The following SCML4 variants were observed in gnomAD, a reference collection of about 807,000 sequenced individuals.
The protein encoded by SCML4 is sex comb on midleg-like protein 4.
A neutral mutation model predicts 41.1 loss-of-function variants in SCML4; 34 were observed. The ratio of observed to expected loss-of-function variants is 0.83; its 90% confidence interval spans 0.63 to 1.10. SCML4 has a LOEUF of 1.10. SCML4 is among the 50% of genes least tolerant of loss of function. The pLI is 0.00. For missense variants in SCML4, 522 were observed against 534.1 expected, an observed-to-expected ratio of 0.98 and a Z score of 0.22; for synonymous variants, 214 against 220.9, an observed-to-expected ratio of 0.97 and a Z score of 0.28.
intron 6 of SCML4, chr6:107,719,294 TCA>T (rs1775134443): frequency 6.6e-6 from 1 of 152,460 alleles, no homozygotes; most frequent in African/African-American, 2.4e-5. Context: ...GGGCCCCTTC[TCA>T]CCTCTCCATC....
chr6:107,835,477 C>T, the SCML4 span, among the ~76,000 whole-genome samples: 8 of 151,918 alleles, frequency 5.3e-5, no homozygotes, highest in African/African-American at 1.2e-4. Context: ...CAGTGACTCA[C>T]GCTTATAATC....
At chr6:107,802,829 A>G (rs1042925994) in intron 1 of SCML4, among the ~76,000 whole-genome samples, 2 of 150,570 alleles carry the variant, frequency 1.3e-5, no homozygotes, top group Non-Finnish European at 3.0e-5. Flanking sequence ...ATCTCGGCTC[A>G]CTGCAACCTC....
chr6:107,813,424 A>AT (rs1562284741), intron 1 of SCML4, among the ~76,000 whole-genome samples: 130 of 9,272 alleles, frequency 0.014, 1 homozygote, highest in Non-Finnish European at 0.029. Context: ...ATATATATAT[A>AT]AAACTGTAAA....
At chr6:107,802,390 C>T (rs1276182362) in intron 1 of SCML4, among the ~76,000 whole-genome samples, 1 of 152,036 alleles carries the variant, frequency 6.6e-6, no homozygotes, top group African/African-American at 2.4e-5. Context: ...GAGTGAAAAA[C>T]ATTCCAGGCA....
chr6:107,759,957 C>T (rs930620295), intron 2 of SCML4, among the ~76,000 whole-genome samples: 5 of 152,148 alleles, frequency 3.3e-5, no homozygotes, highest in South Asian at 2.1e-4. Flanking sequence ...ACTGCCAACT[C>T]GCACGGGACT....
At chr6:107,801,291 T>C (rs1783102019) in intron 1 of SCML4, among the ~76,000 whole-genome samples, 1 of 152,140 alleles carries the variant, frequency 6.6e-6, no homozygotes, top group African/African-American at 2.4e-5. Context: ...CAGCACTATC[T>C]TTATACACAC....
At chr6:107,735,429 C>T (rs1776958997) in intron 5 of SCML4, among the ~76,000 whole-genome samples, 1 of 152,016 alleles carries the variant, frequency 6.6e-6, no homozygotes, top group African/African-American at 2.4e-5. Context: ...TCCTTTCTTT[C>T]TGTTTTTGAG....
intron 5 of SCML4, among the ~76,000 whole-genome samples, chr6:107,726,487 C>T (rs534711910): frequency 1.4e-3 from 181 of 125,788 alleles, no homozygotes; most frequent in Non-Finnish European, 2.1e-3. Context: ...GAGCTGAGAT[C>T]GTGCCACTGC....
intron 5 of SCML4, among the ~76,000 whole-genome samples, chr6:107,727,941 G>C (rs2114434383): frequency 6.6e-6 from 1 of 152,288 alleles, no homozygotes; most frequent in Middle Eastern, 3.4e-3. Context: ...TGCAGTATCT[G>C]GCATGATGCC....
At chr6:107,769,297 C>T (rs1780323886) in intron 2 of SCML4, among the ~76,000 whole-genome samples, 2 of 152,216 alleles carry the variant, frequency 1.3e-5, no homozygotes, top group Admixed American at 1.3e-4. Flanking sequence ...TGGGAGGGGG[C>T]CTGACCTATG....
chr6:107,823,793 G>A (rs773043918), intron 1 of SCML4, among the ~76,000 whole-genome samples: 3 of 152,100 alleles, frequency 2.0e-5, no homozygotes, highest in Non-Finnish European at 4.4e-5. Flanking sequence ...GGTTACTTGA[G>A]TTCACATTTG....
intron 5 of SCML4, among the ~76,000 whole-genome samples, chr6:107,726,076 C>CAAAAA (rs59523273): frequency 1.9e-5 from 2 of 105,026 alleles, no homozygotes; most frequent in Admixed American, 9.9e-5. Context: ...GACCCAGTCT[C>CAAAAA]AAAAAAAAAA....
At chr6:107,756,774 T>C (rs975194065) in intron 2 of SCML4, among the ~76,000 whole-genome samples, 1 of 152,206 alleles carries the variant, frequency 6.6e-6, no homozygotes, top group African/African-American at 2.4e-5. Flanking sequence ...TAAAATAGTG[T>C]TTGTTTTCAA....
chr6:107,786,311 CA>C (rs146654719), intron 1 of SCML4, among the ~76,000 whole-genome samples: 1 of 152,290 alleles, frequency 6.6e-6, no homozygotes, highest in Non-Finnish European at 1.5e-5. Flanking sequence ...TCTCTCCCAC[CA>C]GTGTCAGTTT....
intron 5 of SCML4, chr6:107,732,066 A>C (rs1048062991): frequency 6.6e-6 from 1 of 152,300 alleles, no homozygotes; most frequent in African/African-American, 2.4e-5. Flanking sequence ...TGTGGGATGC[A>C]GAGGGGCCTT....
At chr6:107,844,124 T>C in the SCML4 span, among the ~76,000 whole-genome samples, 1 of 151,992 alleles carries the variant, frequency 6.6e-6, no homozygotes, top group African/African-American at 2.4e-5. Context: ...CAGAGGAGAA[T>C]TTAAAAATAA....
intron 4 of SCML4, 158 bp from the exon 5 acceptor site, chr6:107,745,301 T>C (rs899431620): frequency 3.3e-5 from 20 of 602,242 alleles, no homozygotes; most frequent in Non-Finnish European, 5.0e-5. Flanking sequence ...CTGTTTCTGG[T>C]GGGGATCCCA....
intron 1 of SCML4, among the ~76,000 whole-genome samples, chr6:107,811,383 G>A (rs535163592): frequency 6.6e-6 from 1 of 152,218 alleles, no homozygotes; most frequent in Non-Finnish European, 1.5e-5. Flanking sequence ...GCATTTTGTG[G>A]TTCCTGGTGT....
intron 5 of SCML4, among the ~76,000 whole-genome samples, chr6:107,736,679 A>T (rs985696874): frequency 6.6e-6 from 1 of 152,216 alleles, no homozygotes; most frequent in East Asian, 1.9e-4. Context: ...GTAAAGATAG[A>T]CATTCTCCAT....
Sources: allele counts gnomAD v4.1 joint callset (sites outside exome capture counted in the v4.1 genomes callset), GRCh38; gene constraint gnomAD v4.1.1; transcripts MANE v1.5; gene names NCBI Gene and HGNC (gene_info 2026-07-23, HGNC 2026-07-21).